Variants in GRIA3 observed in about 807,000 individuals in gnomAD.
GRIA3 encodes the protein glutamate ionotropic receptor AMPA type subunit 3.
Under a neutral mutation model 63.0 loss-of-function variants are expected in GRIA3, and 3 were observed. That is an observed-to-expected ratio of 0.05 (90% confidence interval 0.02 to 0.12). The LOEUF (loss-of-function observed/expected upper bound fraction) is 0.12, where lower values mean the gene tolerates loss of function less well. Ranked by LOEUF, GRIA3 falls within the 10% of genes least tolerant of loss-of-function variation. GRIA3 has a pLI of 1.00. For synonymous variants in GRIA3, 274 were observed against 257.9 expected, an observed-to-expected ratio of 1.06 and a Z score of -0.60; for missense variants, 347 against 700.9, an observed-to-expected ratio of 0.50 and a Z score of 5.70.
intron 2 of GRIA3, among the ~76,000 whole-genome samples, chrX:123,207,912 G>A (rs1927936059): frequency 8.9e-6 from 1 of 111,878 alleles, no homozygotes; most frequent in Admixed American, 9.5e-5. Flanking sequence ...GAACACAACA[G>A]GTCAGGTCAC....
chrX:123,262,408 A>G (rs2044465402), intron 3 of GRIA3, among the ~76,000 whole-genome samples: 1 of 111,888 alleles, frequency 8.9e-6, no homozygotes, highest in East Asian at 2.8e-4. Context: ...TACACATCCT[A>G]CAATGCACAG....
At chrX:123,372,931 A>G (rs2045257747) in intron 5 of GRIA3, among the ~76,000 whole-genome samples, 1 of 108,218 alleles carries the variant, frequency 9.2e-6, no homozygotes, top group Admixed American at 1.0e-4. Flanking sequence ...TGTGCACAAC[A>G]TGCAGGTTTG....
chrX:123,411,609 C>T (rs773393372), intron 10 of GRIA3, among the ~76,000 whole-genome samples: 14 of 111,071 alleles, frequency 1.3e-4, no homozygotes, highest in Non-Finnish European at 2.3e-4. Context: ...GATTATAAAT[C>T]CCCTCAAGCT....
chrX:123,408,622 C>T (rs746580730), intron 10 of GRIA3, among the ~76,000 whole-genome samples: 53 of 112,111 alleles, frequency 4.7e-4, no homozygotes, highest in African/African-American at 1.6e-3. Flanking sequence ...TGCCTTCTCT[C>T]CACTTCTGAA....
rs962956983 is a variant in GRIA3 at position 123,224,359 on chromosome X, A to G, written c.269-28944A>G. Among the ~76,000 whole-genome samples, 3 of 111,600 alleles carry G rather than the reference A, an allele frequency of 2.7e-5. No individual in the cohort carries two copies. In the South Asian group the frequency reaches 1.1e-3, roughly 42 times the overall value. On this transcript the variant is annotated intron_variant, in intron 2 of 15. Coordinates refer to ENST00000620443, the MANE Select transcript of GRIA3 (RefSeq NM_007325.5). Reference sequence around the variant, plus strand: ...TCCAAACTCTAAGCTCATATAGTCAACGCTCTTTTTGGACATCTTCAACCC... The same window carrying G: ...TCCAAACTCTAAGCTCATATAGTCAGCGCTCTTTTTGGACATCTTCAACCC...
intron 2 of GRIA3, among the ~76,000 whole-genome samples, chrX:123,188,427 T>G (rs1927335841): frequency 9.0e-6 from 1 of 111,627 alleles, no homozygotes; most frequent in Non-Finnish European, 1.9e-5. Context: ...CTTTAATTGT[T>G]CTTTTTCTTG....
In GRIA3 at chrX:123,184,296, G is replaced by T; in HGVS notation, c.-240G>T. On this transcript the variant is annotated 5_prime_UTR_variant, in exon 1 of 16. Transcript: ENST00000620443. Reference sequence around the variant, plus strand: ...AGGGAGCAAGAAAGGAAGAGAGAGCGAGCGAGAGAGAGCGAGCGAATAAGA... The same window carrying T: ...AGGGAGCAAGAAAGGAAGAGAGAGCTAGCGAGAGAGAGCGAGCGAATAAGA... 2.5e-6 allele frequency: 1 copy of T among 400,308 alleles called. No homozygotes were observed. The highest frequency in any genetic ancestry group is 4.3e-5 in the East Asian group (1 of 23,389). 33.0% of individuals were successfully genotyped at this position (400,308 alleles called of 1,213,427 possible). A position where few individuals can be genotyped will look rare whatever the true frequency, so the allele number is the denominator to read the frequency against.
intron 7 of GRIA3, among the ~76,000 whole-genome samples, chrX:123,401,226 G>A (rs1569430769): frequency 8.9e-6 from 1 of 111,778 alleles, no homozygotes; most frequent in Non-Finnish European, 1.9e-5. Context: ...GTCACCAAAC[G>A]TTCAAATCAT....
chrX:123,229,134 T>G (rs755691033), intron 2 of GRIA3, among the ~76,000 whole-genome samples: 1 of 111,248 alleles, frequency 9.0e-6, no homozygotes, highest in South Asian at 3.9e-4. Context: ...TTCTTACAGA[T>G]TAGACATTGA....
chrX:123,464,690 T>G (rs1432990901), intron 12 of GRIA3, among the ~76,000 whole-genome samples, 175 bp from the exon 13 acceptor site: 1 of 111,061 alleles, frequency 9.0e-6, no homozygotes, highest in African/African-American at 3.3e-5. Context: ...TGAGTGTGGT[T>G]TTGAGAACTT....
At chrX:123,358,068 C>T (rs762298309) in intron 5 of GRIA3, among the ~76,000 whole-genome samples, 1 of 110,935 alleles carries the variant, frequency 9.0e-6, no homozygotes, top group East Asian at 2.8e-4. Flanking sequence ...CCATCAAAGA[C>T]AGACAGAGAG....
At chrX:123,243,051 A>T (rs1171062659) in intron 2 of GRIA3, among the ~76,000 whole-genome samples, 1 of 111,426 alleles carries the variant, frequency 9.0e-6, no homozygotes, top group Non-Finnish European at 1.9e-5. Context: ...GGAGCATCTA[A>T]GTAACTAGCC....
At chrX:123,279,223 G>C (rs1158861524) in intron 3 of GRIA3, among the ~76,000 whole-genome samples, 1 of 111,190 alleles carries the variant, frequency 9.0e-6, no homozygotes. Context: ...GGTTAGGAGT[G>C]GGAGTAGGTG....
chrX:123,332,580 A>G (rs779099707), intron 4 of GRIA3, among the ~76,000 whole-genome samples: 1 of 111,482 alleles, frequency 9.0e-6, no homozygotes, highest in East Asian at 2.8e-4. Flanking sequence ...CTGGCCTCGC[A>G]TCTGACAGAA....
intron 4 of GRIA3, among the ~76,000 whole-genome samples, chrX:123,350,012 TA>T (rs199784941): frequency 1.3e-4 from 14 of 110,581 alleles, no homozygotes; most frequent in African/African-American, 4.6e-4. Flanking sequence ...AGTATCTTTT[TA>T]AAAAAAAATT....
intron 5 of GRIA3, among the ~76,000 whole-genome samples, chrX:123,376,206 C>T (rs1433207020): frequency 8.9e-6 from 1 of 112,049 alleles, no homozygotes; most frequent in African/African-American, 3.2e-5. Flanking sequence ...CTTTCCTGCA[C>T]CTTGCACACT....
At chrX:123,455,202 T>G (rs986119987) in intron 12 of GRIA3, among the ~76,000 whole-genome samples, 1 of 111,880 alleles carries the variant, frequency 8.9e-6, no homozygotes, top group Non-Finnish European at 1.9e-5. Flanking sequence ...AACCAGAATT[T>G]CTTTCCCTTC....
At chrX:123,429,713 T>C (rs1000050335) in intron 12 of GRIA3, among the ~76,000 whole-genome samples, 1 of 112,050 alleles carries the variant, frequency 8.9e-6, no homozygotes, top group South Asian at 3.8e-4. Flanking sequence ...CTATATGAAG[T>C]AATTAACCAC....
chrX:123,383,292 A>G (rs1440101254), intron 5 of GRIA3, among the ~76,000 whole-genome samples: 1 of 111,764 alleles, frequency 8.9e-6, no homozygotes, highest in Admixed American at 9.5e-5. Context: ...GAACATTTCA[A>G]GACCCCTCTT....
Sources: allele counts gnomAD v4.1 joint callset (sites outside exome capture counted in the v4.1 genomes callset), GRCh38; gene constraint gnomAD v4.1.1; transcripts MANE v1.5; gene names NCBI Gene and HGNC (gene_info 2026-07-23, HGNC 2026-07-21).